ANKS1B: variants seen among roughly 807,000 people sequenced by gnomAD.
ANKS1B encodes ankyrin repeat and sterile alpha motif domain-containing protein 1B.
Under a neutral mutation model 148.3 loss-of-function variants are expected in ANKS1B, and 36 were observed. The ratio of observed to expected loss-of-function variants is 0.24; its 90% confidence interval spans 0.19 to 0.32. The LOEUF (loss-of-function observed/expected upper bound fraction) is 0.32. Among genes scored for constraint, ANKS1B ranks in the 10% least tolerant of loss-of-function variants. The pLI, the probability that ANKS1B is intolerant of heterozygous loss-of-function variation, is 1.00. For synonymous variants in ANKS1B, 542 were observed against 560.8 expected (o/e 0.97, Z 0.47); for missense variants, 1,157 against 1,542.6 (o/e 0.75, Z 4.19).
At chr12:99,441,944 A>C (rs1241780698) in intron 11 of ANKS1B, among the ~76,000 whole-genome samples, 1 of 151,988 alleles carries the variant, frequency 6.6e-6, no homozygotes, top group Non-Finnish European at 1.5e-5. Flanking sequence ...TGAATGACCA[A>C]GTGCATTTAC....
intron 9 of ANKS1B, chr12:99,649,445 C>A: frequency 2.0e-6 from 3 of 1,472,382 alleles, no homozygotes; most frequent in Non-Finnish European, 2.8e-6. Flanking sequence ...TTCACACACC[C>A]CTGCAGTCAT....
rs1488110970 is a variant in ANKS1B at position 99,812,271 on chromosome 12, T to C, written c.256A>G (p.Asn86Asp). 2 of 1,611,714 alleles carry C rather than the reference T, an allele frequency of 1.2e-6. No individual in the cohort carries two copies. Among genetic ancestry groups the C allele is most frequent in the Non-Finnish European group, 1.7e-6 (2 of 1,178,428 alleles). The change falls in exon 3 of 27, where the codon AAT becomes GAT. Residue 86 changes from asparagine (N) to aspartate (D), a missense_variant. Asn to Asp is a conservative substitution (Grantham distance 23). This residue lies in a region of ANKS1B where 164 missense variants were observed against 232.6 expected (regional missense o/e 0.71). Coordinates refer to ENST00000683438, the MANE Select transcript of ANKS1B (RefSeq NM_001352186.2). ...AAATACCCTTTGTTGTCTGCTACAT[T>C]TGTTGATGCCTCATACTGAAGTAGT... is the stretch of plus-strand genomic sequence containing the variant. The part of the protein sequence containing the change: ...LKLLQYEAST[N>D]VADNKGYFPI...
intron 15 of ANKS1B, chr12:99,104,546 G>C (rs1446762931): frequency 6.6e-6 from 1 of 152,040 alleles, no homozygotes; most frequent in East Asian, 1.9e-4. Flanking sequence ...ATCATCCTAT[G>C]AGCCCATATA....
chr12:99,436,114 C>T (rs1469178052), intron 11 of ANKS1B, among the ~76,000 whole-genome samples: 1 of 151,906 alleles, frequency 6.6e-6, no homozygotes, highest in African/African-American at 2.4e-5. Context: ...TGGCTCTTTC[C>T]TTCAGACTAC....
At chr12:99,639,703 T>C (rs1407141166) in intron 9 of ANKS1B, among the ~76,000 whole-genome samples, 1 of 152,216 alleles carries the variant, frequency 6.6e-6, no homozygotes, top group Non-Finnish European at 1.5e-5. Context: ...TTCTTTCTCC[T>C]GCCGCCATAT....
chr12:99,312,275 T>A (rs2083286551), intron 12 of ANKS1B, among the ~76,000 whole-genome samples: 1 of 152,300 alleles, frequency 6.6e-6, no homozygotes, highest in East Asian at 1.9e-4. Flanking sequence ...ATTGGCAACA[T>A]TTACGGACTT....
At chr12:98,930,404 C>T (rs1220636637) in intron 17 of ANKS1B, among the ~76,000 whole-genome samples, 1 of 152,154 alleles carries the variant, frequency 6.6e-6, no homozygotes, top group East Asian at 1.9e-4. Flanking sequence ...TTTAGAGTTA[C>T]CATATGATCC....
In ANKS1B at chr12:99,501,930, GT is replaced by G. The variant is rs916391722; in HGVS notation, c.1438+2545del. On this transcript the variant is annotated intron_variant, in intron 10 of 26. Transcript: ENST00000683438. Reference sequence around the variant, plus strand: ...ATCAGCTTTTTGATACTTTTAAGAAGTTTTTTTCTTTTCTATATCGTATCCA... The same window carrying G: ...ATCAGCTTTTTGATACTTTTAAGAAGTTTTTTCTTTTCTATATCGTATCCA... 2.4e-4 allele frequency among the ~76,000 whole-genome samples: 37 copies of G among 152,194 alleles called. 1 individual carries two copies. The highest frequency in any genetic ancestry group is 1.6e-3 in the Admixed American group (25 of 15,278).
At chr12:99,111,033 T>C (rs1340228344) in intron 15 of ANKS1B, among the ~76,000 whole-genome samples, 2 of 152,210 alleles carry the variant, frequency 1.3e-5, no homozygotes, top group Non-Finnish European at 1.5e-5. Flanking sequence ...CGAAGCTATC[T>C]GCCCGCACAT....
intron 8 of ANKS1B, among the ~76,000 whole-genome samples, chr12:99,702,694 C>A (rs1437766639): frequency 7.7e-6 from 1 of 130,718 alleles, no homozygotes; most frequent in African/African-American, 2.7e-5. Context: ...AGGCATGCAC[C>A]ACCAAACCCA....
intron 17 of ANKS1B, among the ~76,000 whole-genome samples, chr12:98,881,479 G>A (rs2152512699): frequency 6.6e-6 from 1 of 152,204 alleles, no homozygotes; most frequent in African/African-American, 2.4e-5. Context: ...ATTCACTCTT[G>A]TAGAGACAGG....
chr12:99,777,741 C>G (rs1331752624), intron 6 of ANKS1B, among the ~76,000 whole-genome samples: 1 of 151,914 alleles, frequency 6.6e-6, no homozygotes, highest in Admixed American at 6.6e-5. Flanking sequence ...CCCACCACCG[C>G]GCCCGGCTAA....
Position 98,744,454 on chromosome 12 carries a change from G to C in ANKS1B, c.*1285C>G, listed in dbSNP as rs987001001. 1.4e-6 allele frequency: 1 copy of C among 722,938 alleles called. No homozygotes were observed. Among genetic ancestry groups the C allele is most frequent in the Non-Finnish European group, 1.7e-6 (1 of 590,568 alleles). The allele number at this position is 722,938 out of a possible 1,614,324, so 44.8% of individuals were successfully genotyped here. A position where few individuals can be genotyped will look rare whatever the true frequency, so the allele number is the denominator to read the frequency against. ...AAAATGATTCACAATATGATTGTTA[G>C]AACAATATACATTAAAATGTTATTT... On this transcript the variant is annotated 3_prime_UTR_variant, in exon 27 of 27. Transcript: ENST00000683438.
intron 17 of ANKS1B, among the ~76,000 whole-genome samples, chr12:98,850,642 T>C (rs1023529498): frequency 3.3e-5 from 5 of 152,072 alleles, no homozygotes; most frequent in East Asian, 1.9e-4. Flanking sequence ...TAATTTTTTG[T>C]ATTTTTAGTA....
chr12:99,120,831 G>A (rs377598985), intron 15 of ANKS1B, among the ~76,000 whole-genome samples: 27 of 152,212 alleles, frequency 1.8e-4, no homozygotes, highest in African/African-American at 5.8e-4. Context: ...GTTAAGGAGA[G>A]AGAACTTAGA....
intron 9 of ANKS1B, among the ~76,000 whole-genome samples, chr12:99,506,795 G>A (rs2096716458): frequency 6.6e-6 from 1 of 151,886 alleles, no homozygotes; most frequent in African/African-American, 2.4e-5. Flanking sequence ...AAATAAAAAG[G>A]CACTATAAAA....
chr12:99,165,045 G>A (rs918181974), intron 14 of ANKS1B, among the ~76,000 whole-genome samples: 6 of 151,888 alleles, frequency 4.0e-5, no homozygotes, highest in African/African-American at 1.4e-4. Context: ...AATCATAAAA[G>A]CAGAGTGAAT....
chr12:99,085,392 AC>A (rs1264034135), intron 15 of ANKS1B, among the ~76,000 whole-genome samples: 1 of 151,354 alleles, frequency 6.6e-6, no homozygotes, highest in Non-Finnish European at 1.5e-5. Flanking sequence ...AAAAAAAAAA[AC>A]TTTGTTTCTG....
chr12:99,748,370 T>C (rs2060796741), intron 8 of ANKS1B, among the ~76,000 whole-genome samples: 1 of 152,108 alleles, frequency 6.6e-6, no homozygotes, highest in Non-Finnish European at 1.5e-5. Flanking sequence ...AAAAACATAC[T>C]TCAAGTAAAT....
Sources: gnomAD v4.1 joint callset for allele counts (sites outside exome capture counted in the v4.1 genomes callset) on GRCh38, gnomAD v4.1.1 for gene constraint, gnomAD v4.1.1 regional missense constraint, MANE v1.5 for transcripts, NCBI Gene and HGNC (gene_info 2026-07-23, HGNC 2026-07-21) for gene names.